The following ATP2B2 variants were observed in gnomAD, a reference collection of about 807,000 sequenced individuals.
ATP2B2 encodes the protein ATPase plasma membrane Ca2+ transporting 2.
ATP2B2 carries 15 observed loss-of-function variants against 120.0 expected under a neutral mutation model. The ratio of observed to expected loss-of-function variants is 0.12; its 90% CI spans 0.08 to 0.19. The LOEUF (loss-of-function observed/expected upper bound fraction) is 0.19, where lower values mean the gene tolerates loss of function less well. Ranked by LOEUF, ATP2B2 falls within the 10% of genes least tolerant of loss-of-function variation. The pLI, the probability that ATP2B2 is intolerant of heterozygous loss-of-function variation, is 1.00. For synonymous variants in ATP2B2, 694 were observed against 700.3 expected, an observed-to-expected ratio of 0.99 and a Z score of 0.14; for missense variants, 1,045 against 1,719.8, an observed-to-expected ratio of 0.61 and a Z score of 6.94.
Position 10,331,759 on chromosome 3 carries a change from G to C in ATP2B2, c.3421-2634C>G, listed in dbSNP as rs559409239. Among the ~76,000 whole-genome samples, 27 of 151,946 alleles carry C rather than the reference G, an allele frequency of 1.8e-4. No homozygotes were observed. In the South Asian group the frequency reaches 5.6e-3, roughly 32 times the overall value. ...CTGCATTTGGGCGTGGGGGTGAGGG[G>C]AAGGAGAGGAAGGGACCTGGTGAGC... On this transcript the variant is annotated intron_variant, in intron 22 of 22. Transcript: ENST00000360273.
At chr3:10,386,254 G>A (rs2061675653) in intron 7 of ATP2B2, among the ~76,000 whole-genome samples, 1 of 151,218 alleles carries the variant, frequency 6.6e-6, no homozygotes, top group Admixed American at 6.6e-5. Flanking sequence ...CTTGGCATTG[G>A]CTGGTAGGGT....
chr3:10,689,059 T>A (rs535840588), intron 1 of ATP2B2, among the ~76,000 whole-genome samples: 13 of 152,244 alleles, frequency 8.5e-5, no homozygotes, highest in African/African-American at 2.6e-4. Context: ...ACAAAGGATA[T>A]CAGATTTGAA....
intron 2 of ATP2B2, among the ~76,000 whole-genome samples, chr3:10,601,264 A>G (rs2068911235): frequency 6.6e-6 from 1 of 152,204 alleles, no homozygotes; most frequent in African/African-American, 2.4e-5. Context: ...AGGAACACTC[A>G]GAATTGGCAC....
At chr3:10,395,800 T>C (rs527753347) in intron 5 of ATP2B2, among the ~76,000 whole-genome samples, 16 of 152,310 alleles carry the variant, frequency 1.1e-4, no homozygotes, top group Admixed American at 9.1e-4. Flanking sequence ...TCTTGCAAAG[T>C]GAGCACTGAG....
intron 12 of ATP2B2, among the ~76,000 whole-genome samples, chr3:10,367,679 G>A (rs942401035): frequency 2.6e-5 from 4 of 152,080 alleles, no homozygotes; most frequent in African/African-American, 4.8e-5. Context: ...CCTGGGCTTG[G>A]GATTGTACAG....
intron 2 of ATP2B2, among the ~76,000 whole-genome samples, chr3:10,588,061 T>G (rs755946943): frequency 3.3e-5 from 5 of 152,262 alleles, no homozygotes; most frequent in Non-Finnish European, 7.3e-5. Flanking sequence ...TACTTATTCA[T>G]GGATAGAATG....
rs967599376 is a variant in ATP2B2, at chr3:10,427,006, A to T, written c.200-16191T>A. On this transcript the variant is annotated intron_variant, in intron 2 of 22. Coordinates refer to ENST00000360273, the MANE Select transcript of ATP2B2 (RefSeq NM_001001331.4). Reference sequence around the variant, plus strand: ...ACATCTGTGATTGCATCTGAGTCTCAAGACTGCAGGGCCTGCATTAAGAGG... The same window carrying T: ...ACATCTGTGATTGCATCTGAGTCTCTAGACTGCAGGGCCTGCATTAAGAGG... 2.0e-4 allele frequency among the ~76,000 whole-genome samples: 31 copies of T among 152,324 alleles called. No homozygotes were observed. In the East Asian group the frequency reaches 6.0e-3, roughly 29 times the overall value.
At chr3:10,386,372 C>T in intron 7 of ATP2B2, 108 bp downstream of exon 7, 2 of 1,274,084 alleles carry the variant, frequency 1.6e-6, no homozygotes, top group Non-Finnish European at 2.3e-6. Context: ...CACCCACAGG[C>T]ATGTGGCCTC....
chr3:10,331,773 G>A (rs1000188655), intron 22 of ATP2B2: 2 of 440,654 alleles, frequency 4.5e-6, no homozygotes, highest in African/African-American at 1.9e-5. Flanking sequence ...GAGAGGAAGG[G>A]ACCTGGTGAG....
intron 2 of ATP2B2, among the ~76,000 whole-genome samples, chr3:10,442,355 T>C (rs1421599602): frequency 6.6e-6 from 1 of 152,164 alleles, no homozygotes; most frequent in Non-Finnish European, 1.5e-5. Context: ...CGGGAAGCCC[T>C]TCAGTCAGCT....
At chr3:10,381,776 T>A (rs961617955) in intron 8 of ATP2B2, among the ~76,000 whole-genome samples, 1 of 152,168 alleles carries the variant, frequency 6.6e-6, no homozygotes, top group Non-Finnish European at 1.5e-5. Flanking sequence ...CTTCTCTGTA[T>A]CTGGAGTCAG....
At chr3:10,389,957 T>G (rs2061796412) in intron 5 of ATP2B2, among the ~76,000 whole-genome samples, 1 of 152,160 alleles carries the variant, frequency 6.6e-6, no homozygotes, top group Non-Finnish European at 1.5e-5. Context: ...CTTTGATTGG[T>G]GCTGGAAGAA....
chr3:10,594,476 C>G (rs1213677419), intron 2 of ATP2B2, among the ~76,000 whole-genome samples: 2 of 148,700 alleles, frequency 1.3e-5, no homozygotes, highest in East Asian at 2.0e-4. Flanking sequence ...GACAAAAAAC[C>G]AAACATTGCA....
upstream of ATP2B2, among the ~76,000 whole-genome samples, chr3:10,505,880 C>T (rs547428851): frequency 2.0e-5 from 3 of 152,012 alleles, no homozygotes; most frequent in East Asian, 5.9e-4. Flanking sequence ...CCGAAGCTGG[C>T]AGAGTCCCAG....
intron 5 of ATP2B2, among the ~76,000 whole-genome samples, chr3:10,399,357 A>G (rs1454242199): frequency 6.6e-6 from 1 of 152,224 alleles, no homozygotes; most frequent in Admixed American, 6.5e-5. Flanking sequence ...TCTGCCTGGA[A>G]TACTTTTTTC....
At chr3:10,506,281 C>CG (rs1179456464), upstream of ATP2B2, among the ~76,000 whole-genome samples, 3 of 151,698 alleles carry the variant, frequency 2.0e-5, no homozygotes, top group Non-Finnish European at 4.4e-5. Flanking sequence ...CACCTGCCCT[C>CG]GGGGGGGTGT....
At chr3:10,693,665 T>C (rs929810641) in intron 1 of ATP2B2, among the ~76,000 whole-genome samples, 1 of 152,254 alleles carries the variant, frequency 6.6e-6, no homozygotes, top group Non-Finnish European at 1.5e-5. Context: ...CTACTTCATT[T>C]CTTTGTTTCT....
intron 12 of ATP2B2, among the ~76,000 whole-genome samples, chr3:10,365,910 C>T (rs1318527686): frequency 8.5e-4 from 1 of 1,170 alleles, no homozygotes; most frequent in African/African-American, 4.6e-3. Flanking sequence ...ACTAACAGCT[C>T]TGTTCAAAAC....
intron 1 of ATP2B2, among the ~76,000 whole-genome samples, chr3:10,497,328 G>T (rs573818296): frequency 6.6e-6 from 1 of 152,356 alleles, no homozygotes; most frequent in East Asian, 1.9e-4. Context: ...ACATTGGGCT[G>T]TGGTTCCAGT....
Sources: gnomAD v4.1 joint callset for allele counts (sites outside exome capture counted in the v4.1 genomes callset) on GRCh38, gnomAD v4.1.1 for gene constraint, MANE v1.5 for transcripts, NCBI Gene and HGNC (gene_info 2026-07-23, HGNC 2026-07-21) for gene names.